Variants in HK1 observed in about 807,000 individuals in gnomAD.
HK1 encodes hexokinase-1.
Under a neutral mutation model 91.6 loss-of-function variants are expected in HK1, and 28 were observed. The observed-to-expected ratio is 0.31, with a 90% confidence interval of 0.23 to 0.42. The LOEUF is 0.42. HK1 is among the 10% of genes least tolerant of loss of function. The pLI is 1.00. For missense variants in HK1, 770 were observed against 1,219.8 expected (o/e 0.63, Z 5.49); for synonymous variants, 430 against 468.1 (o/e 0.92, Z 1.05).
chr10:69,293,855 CTTTTTTTTTTTTTTT>C lies in HK1; in HGVS notation c.-114-1768_-114-1754del, dbSNP rs34434447. Among the ~76,000 whole-genome samples the C allele has an allele frequency of 2.4e-3, 233 of 98,978 alleles. 1 individual carries two copies. The highest frequency in any genetic ancestry group is 9.1e-3 in the African/African-American group (225 of 24,714). The allele number at this position is 98,978 out of a possible 152,430, so 64.9% of individuals were successfully genotyped here. A position where few individuals can be genotyped will look rare whatever the true frequency, so the allele number is the denominator to read the frequency against. On this transcript the variant is annotated intron_variant, in intron 3 of 21. Coordinates refer to the HK1 transcript ENST00000360289. ...CCCCGAAGCACAAGCATATTTCTTT[CTTTTTTTTTTTTTTT>C]TTTTTTTTTGAGACAGAGTCTCCCA... is the stretch of plus-strand genomic sequence containing the variant.
Position 69,396,993 on chromosome 10 carries a change from C to CTT in HK1, c.2376-1601_2376-1600dup, listed in dbSNP as rs1432940266. ...AGCCACCACGCCCGGCCATAATTTC[C>CTT]TTATTTTTAAGGCTGAGTGATATTC... On this transcript the variant is annotated intron_variant, in intron 16 of 17. Transcript: ENST00000359426. Among the ~76,000 whole-genome samples the CTT allele has an allele frequency of 6.6e-5, 10 of 152,298 alleles. No homozygotes were observed. In the East Asian group the frequency reaches 1.9e-3, roughly 29 times the overall value.
chr10:69,343,591 G>A (rs1469183656), intron 1 of HK1, among the ~76,000 whole-genome samples: 1 of 152,208 alleles, frequency 6.6e-6, no homozygotes, highest in Non-Finnish European at 1.5e-5. Flanking sequence ...TTTGAGGGTT[G>A]GAAAGGATCT....
chr10:69,380,904 G>A lies in HK1; in HGVS notation c.1265+809G>A, dbSNP rs999704949. Reference sequence around the variant, plus strand: ...TTGTTTTGCACAGGACCTCAGAGTTGTTTCCCACTGTACATATAAATACAA... The same window carrying A: ...TTGTTTTGCACAGGACCTCAGAGTTATTTCCCACTGTACATATAAATACAA... On this transcript the variant is annotated intron_variant, in intron 9 of 17. Transcript: ENST00000359426. The surrounding 1 kb of genome is among the most constrained non-coding windows in gnomAD (Gnocchi z 4.0). Among the ~76,000 whole-genome samples, 3 of 152,206 alleles carry A rather than the reference G, an allele frequency of 2.0e-5. No individual in the cohort carries two copies. Among genetic ancestry groups the A allele is most frequent in the African/African-American group, 7.2e-5 (3 of 41,444 alleles).
At chr10:69,287,480 T>C (rs1845084394) in intron 2 of HK1, among the ~76,000 whole-genome samples, 1 of 152,218 alleles carries the variant, frequency 6.6e-6, no homozygotes, top group Non-Finnish European at 1.5e-5. Flanking sequence ...ATATCACACA[T>C]TCCTCAGTAC....
chr10:69,277,969 G>A (rs541942120), intron 1 of HK1, among the ~76,000 whole-genome samples: 31 of 152,140 alleles, frequency 2.0e-4, no homozygotes, highest in African/African-American at 7.2e-4. Flanking sequence ...GGAGGCGAAG[G>A]TTGCAGTGAG....
chr10:69,382,226 T>C (rs947544091), intron 9 of HK1, among the ~76,000 whole-genome samples: 9 of 151,998 alleles, frequency 5.9e-5, no homozygotes, highest in African/African-American at 2.2e-4. Flanking sequence ...CTGTCTCTAC[T>C]AAAAATACAA....
chr10:69,350,458 C>G (rs908758794), intron 2 of HK1, among the ~76,000 whole-genome samples: 1 of 151,970 alleles, frequency 6.6e-6, no homozygotes, highest in Admixed American at 6.6e-5. Flanking sequence ...GTCAAGAGAT[C>G]GAGACCATCC....
intron 5 of HK1, among the ~76,000 whole-genome samples, chr10:69,307,747 A>T (rs1380271720): frequency 6.6e-6 from 1 of 152,244 alleles, no homozygotes; most frequent in African/African-American, 2.4e-5. Context: ...GTGTATAGTA[A>T]GTTCTACCTA....
At chr10:69,302,618 G>T (rs1845929451) in intron 5 of HK1, among the ~76,000 whole-genome samples, 1 of 151,862 alleles carries the variant, frequency 6.6e-6, no homozygotes, top group African/African-American at 2.4e-5. Context: ...TCCTGAGAGT[G>T]GTGGGGTGCA....
chr10:69,386,055 T>A (rs548233829), intron 12 of HK1, among the ~76,000 whole-genome samples: 1 of 152,332 alleles, frequency 6.6e-6, no homozygotes, highest in African/African-American at 2.4e-5. Flanking sequence ...TTGAGTGCCG[T>A]CTTTGCCGTC....
chr10:69,376,819 G>A, intron 7 of HK1, 115 bp from the exon 8 acceptor site: 1 of 1,327,308 alleles, frequency 7.5e-7, no homozygotes, highest in East Asian at 2.3e-5. Flanking sequence ...TGCCAGCGAG[G>A]CTGGGGGCTG....
rs546054540 is a variant in HK1, at chr10:69,393,366, G to A, written c.2219+1058G>A. On this transcript the variant is annotated intron_variant, in intron 15 of 17. Coordinates refer to ENST00000359426, the MANE Select transcript of HK1 (RefSeq NM_000188.3). ...TGTCCAGGCTAGAGTGCAGTGGTGC[G>A]AGCTCAGCTCACTGCCACCTCCTGG... Among the ~76,000 whole-genome samples the A allele has an allele frequency of 2.0e-5, 3 of 150,348 alleles. No individual in the cohort carries two copies. In the South Asian group the frequency reaches 6.3e-4, roughly 32 times the overall value.
chr10:69,329,562 GA>G (rs1847589042), intron 1 of HK1, among the ~76,000 whole-genome samples: 2 of 152,178 alleles, frequency 1.3e-5, no homozygotes, highest in African/African-American at 4.8e-5. Context: ...ACTCCATTCA[GA>G]AATGAGCAAA....
chr10:69,280,788 T>C (rs531615417), intron 1 of HK1, among the ~76,000 whole-genome samples: 3 of 152,348 alleles, frequency 2.0e-5, no homozygotes, highest in East Asian at 3.9e-4. Flanking sequence ...GTAAGTTACC[T>C]AGCCAATGGT....
intron 1 of HK1, among the ~76,000 whole-genome samples, chr10:69,340,481 C>A (rs1188494358): frequency 6.6e-6 from 1 of 152,186 alleles, no homozygotes; most frequent in Non-Finnish European, 1.5e-5. Flanking sequence ...AACTCCTGAC[C>A]TCAGGTAATC....
rs193260476 is a variant in HK1, at chr10:69,324,644, A to T, written c.63+5634A>T. Among the ~76,000 whole-genome samples the T allele has an allele frequency of 7.4e-4, 112 of 152,348 alleles. No homozygotes were observed. In the Middle Eastern group the frequency reaches 0.02, roughly 28 times the overall value. On this transcript the variant is annotated intron_variant, in intron 1 of 17. Coordinates refer to ENST00000359426, the MANE Select transcript of HK1 (RefSeq NM_000188.3). ...GTTATATGTGCAAAGCATATGGGCT[A>T]TGAGGGCCCACAGCATGGTGTGGTC...
intron 1 of HK1, among the ~76,000 whole-genome samples, chr10:69,329,377 G>A (rs1847575021): frequency 6.6e-6 from 1 of 152,084 alleles, no homozygotes; most frequent in Non-Finnish European, 1.5e-5. Context: ...TGGCCAGGAT[G>A]TTCTTGATTT....
In HK1 at chr10:69,389,263, G is replaced by A; in HGVS notation, c.2002G>A (p.Glu668Lys). 2 of 1,613,236 alleles carry A rather than the reference G, an allele frequency of 1.2e-6. No homozygotes were observed. Among genetic ancestry groups the A allele is most frequent in the Non-Finnish European group, 1.7e-6 (2 of 1,179,540 alleles). Residue 668 changes from glutamate to lysine, a missense_variant, in exon 14 of 18, where the codon GAG (glutamate) becomes AAG (lysine). Physicochemically the swap from Glu to Lys is moderately conservative, Grantham distance 56. Transcript: ENST00000359426. ...TVGTMMTCAY[E>K]EPTCEVGLIV... ...GGGCACCATGATGACCTGTGCTTAT[G>A]AGGAGCCCACCTGTGAGGTTGGACT...
chr10:69,330,793 T>C (rs1847673412), intron 1 of HK1, among the ~76,000 whole-genome samples: 1 of 152,146 alleles, frequency 6.6e-6, no homozygotes, highest in Non-Finnish European at 1.5e-5. Flanking sequence ...TCATATCCCC[T>C]TTCTCCAGTC....
Sources: allele counts gnomAD v4.1 joint callset (sites outside exome capture counted in the v4.1 genomes callset), GRCh38; gene constraint gnomAD v4.1.1; non-coding constraint Gnocchi (gnomAD v3.1); transcripts MANE v1.5; gene names NCBI Gene and HGNC (gene_info 2026-07-23, HGNC 2026-07-21).